CDC14B: variants seen among roughly 807,000 people sequenced by gnomAD.
CDC14B encodes the protein cell division cycle 14B, also known as dual specificity protein phosphatase CDC14B.
CDC14B carries 22 observed loss-of-function variants against 64.2 expected under a neutral mutation model. That is an observed-to-expected ratio of 0.34 (90% CI 0.24 to 0.49). CDC14B has a LOEUF of 0.49. Ranked by LOEUF, CDC14B falls within the 20% of genes least tolerant of loss-of-function variation. The pLI is 0.99. For synonymous variants in CDC14B, 191 were observed against 215.8 expected (o/e 0.89, Z 1.01); for missense variants, 498 against 629.9 (o/e 0.79, Z 2.24).
intron 2 of CDC14B, 35 bp downstream of exon 2, chr9:96,565,357 AC>A: frequency 6.7e-6 from 9 of 1,344,110 alleles, no homozygotes; most frequent in Non-Finnish European, 9.6e-6. Flanking sequence ...TTCTTCAAAA[AC>A]AAAAAGTTAA....
At chr9:96,546,247 C>T (rs1840808717) in intron 5 of CDC14B, among the ~76,000 whole-genome samples, 1 of 152,084 alleles carries the variant, frequency 6.6e-6, no homozygotes, top group Non-Finnish European at 1.5e-5. Context: ...CTACTGATAC[C>T]TTCCACAACA....
chr9:96,529,944 G>A (rs140401285), intron 9 of CDC14B, among the ~76,000 whole-genome samples: 233 of 152,200 alleles, frequency 1.5e-3, no homozygotes, highest in African/African-American at 5.4e-3. Context: ...TGACAGGCTT[G>A]CATTGAATCT....
intron 4 of CDC14B, among the ~76,000 whole-genome samples, chr9:96,554,968 G>A (rs533867164): frequency 2.0e-5 from 3 of 152,238 alleles, no homozygotes; most frequent in South Asian, 2.1e-4. Context: ...GACACTTGGC[G>A]TTTCTCAAAT....
intron 1 of CDC14B, among the ~76,000 whole-genome samples, chr9:96,616,412 C>T (rs904610599): frequency 1.3e-5 from 2 of 151,984 alleles, no homozygotes; most frequent in Admixed American, 1.3e-4. Context: ...AAAACATTAC[C>T]AAGGGAGGAA....
chr9:96,512,959 T>C (rs1245378525), intron 12 of CDC14B, among the ~76,000 whole-genome samples: 1 of 152,090 alleles, frequency 6.6e-6, no homozygotes, highest in Admixed American at 6.6e-5. Flanking sequence ...AAACAAGAGC[T>C]GATACACTGC....
intron 1 of CDC14B, among the ~76,000 whole-genome samples, chr9:96,601,985 G>T (rs1481757838): frequency 2.0e-5 from 3 of 151,746 alleles, no homozygotes; most frequent in African/African-American, 7.3e-5. Context: ...CGTGAACCCA[G>T]GAGGCGGAGC....
Position 96,503,713 on chromosome 9 carries a change from G to A in CDC14B, c.*40C>T, listed in dbSNP as rs760789319. 2 of 1,588,060 alleles carry A rather than the reference G, an allele frequency of 1.3e-6. No homozygotes were observed. Among genetic ancestry groups the A allele is most frequent in the South Asian group, 2.2e-5 (2 of 90,118 alleles). ...GTGCTAATTTCTGTTGCAGTTTTCA[G>A]TCCTAGAGTCTTCCTTCAGCTCTGG... On this transcript the variant is annotated 3_prime_UTR_variant, in exon 14 of 14. Coordinates refer to ENST00000375241, the MANE Select transcript of CDC14B (RefSeq NM_033331.4).
At chr9:96,498,607 G>A (rs868526282), downstream of CDC14B, among the ~76,000 whole-genome samples, 2 of 152,192 alleles carry the variant, frequency 1.3e-5, no homozygotes, top group African/African-American at 4.8e-5. Context: ...TATGCTGCAG[G>A]TACCAAAAAT....
intron 1 of CDC14B, among the ~76,000 whole-genome samples, chr9:96,613,643 A>G (rs1847452248): frequency 6.6e-6 from 1 of 152,248 alleles, no homozygotes; most frequent in African/African-American, 2.4e-5. Context: ...AATTCACATT[A>G]CAGACAAATT....
intron 12 of CDC14B, among the ~76,000 whole-genome samples, chr9:96,516,880 C>T (rs11790862): frequency 2.0e-5 from 3 of 151,594 alleles, no homozygotes; most frequent in African/African-American, 4.8e-5. Context: ...CAACCTCCCC[C>T]TCCCGGGTTC....
intron 4 of CDC14B, among the ~76,000 whole-genome samples, chr9:96,561,768 T>G (rs759849472): frequency 3.9e-5 from 6 of 151,940 alleles, no homozygotes; most frequent in Admixed American, 6.6e-5. Flanking sequence ...ATTACAGGCG[T>G]AAGCCACTGC....
intron 1 of CDC14B, among the ~76,000 whole-genome samples, chr9:96,611,108 G>T (rs1478910499): frequency 6.6e-6 from 1 of 151,580 alleles, no homozygotes; most frequent in Admixed American, 6.6e-5. Context: ...AAAAAAGAGA[G>T]AGAGAAAAGG....
chr9:96,514,923 A>G, intron 12 of CDC14B: 2 of 985,450 alleles, frequency 2.0e-6, no homozygotes, highest in Non-Finnish European at 2.4e-6. Context: ...TGCTGCTATT[A>G]GCCTATTAAA....
intron 1 of CDC14B, among the ~76,000 whole-genome samples, chr9:96,596,116 C>A (rs754802256): frequency 2.0e-5 from 3 of 152,006 alleles, no homozygotes; most frequent in Non-Finnish European, 4.4e-5. Flanking sequence ...GTAATCCCAG[C>A]ACTTTGGGAG....
intron 1 of CDC14B, among the ~76,000 whole-genome samples, chr9:96,573,592 A>G (rs912585434): frequency 1.3e-5 from 2 of 152,150 alleles, no homozygotes; most frequent in African/African-American, 4.8e-5. Flanking sequence ...AAATCTCAAC[A>G]GGTCTTTTCA....
At chr9:96,534,634 C>G (rs891132855) in intron 7 of CDC14B, 92 bp from the exon 8 acceptor site, 2 of 815,906 alleles carry the variant, frequency 2.5e-6, no homozygotes, top group Non-Finnish European at 4.0e-6. Context: ...ACTTCAAACT[C>G]ATTTGCTTTA....
chr9:96,581,492 T>TAATTAAATTAATTA (rs57208687), intron 1 of CDC14B, among the ~76,000 whole-genome samples: 5 of 150,614 alleles, frequency 3.3e-5, no homozygotes, highest in African/African-American at 9.8e-5. Context: ...TTAATTAAAT[T>TAATTAAATTAATTA]AATTAAATTT....
rs184180304 is a variant in CDC14B, at chr9:96,537,918, C to T, written c.627+1160G>A. The stretch of plus-strand genomic sequence containing the variant: ...TTTGTATTTTAGAGATGAGGTTTCA[C>T]CATGTTGCCCAGGCTGATCTCAAAC... On this transcript the variant is annotated intron_variant, in intron 7 of 13. Transcript: ENST00000375241. 3.4e-3 allele frequency among the ~76,000 whole-genome samples: 517 copies of T among 152,192 alleles called. 2 individuals are homozygous for T. Among genetic ancestry groups the T allele is most frequent in the Non-Finnish European group, 5.5e-3 (377 of 68,018 alleles).
At chr9:96,578,749 G>C (rs1313071813) in intron 1 of CDC14B, among the ~76,000 whole-genome samples, 2 of 152,206 alleles carry the variant, frequency 1.3e-5, no homozygotes, top group East Asian at 3.8e-4. Flanking sequence ...AATAGAGAAA[G>C]GTTAATGGGA....
Sources: gnomAD v4.1 joint callset for allele counts (sites outside exome capture counted in the v4.1 genomes callset) on GRCh38, gnomAD v4.1.1 for gene constraint, MANE v1.5 for transcripts, NCBI Gene and HGNC (gene_info 2026-07-23, HGNC 2026-07-21) for gene names.